The following FRAS1 variants were observed in gnomAD, a reference collection of about 807,000 sequenced individuals.
FRAS1 encodes the protein Fraser extracellular matrix complex subunit 1.
FRAS1 carries 290 observed loss-of-function variants against 435.2 expected under a neutral mutation model. That is an observed-to-expected ratio of 0.67 (90% confidence interval 0.61 to 0.73). FRAS1 has a LOEUF of 0.73. Ranked by LOEUF, FRAS1 falls within the 30% of genes least tolerant of loss-of-function variation. The pLI is 0.00. For synonymous variants in FRAS1, 1,800 were observed against 1,851.0 expected, an observed-to-expected ratio of 0.97 and a Z score of 0.71; for missense variants, 4,860 against 5,001.5, an observed-to-expected ratio of 0.97 and a Z score of 0.85.
intron 61 of FRAS1, 69 bp from the exon 62 acceptor site, chr4:78,507,352 A>G (rs1720874874): frequency 7.3e-7 from 1 of 1,374,138 alleles, no homozygotes; most frequent in South Asian, 1.4e-5. Context: ...CAGCAGTGCC[A>G]AGCTGCACTC....
intron 2 of FRAS1, among the ~76,000 whole-genome samples, chr4:78,191,116 T>C (rs1722513274): frequency 6.6e-6 from 1 of 152,192 alleles, no homozygotes; most frequent in South Asian, 2.1e-4. Context: ...TCTTGGACTT[T>C]TCAGCCTCCA....
chr4:78,513,350 T>C, intron 64 of FRAS1, 42 bp from the exon 65 acceptor site: 1 of 1,600,226 alleles, frequency 6.2e-7, no homozygotes, highest in Non-Finnish European at 8.6e-7. Context: ...TGACCATTTA[T>C]AGCAGTCAGC....
chr4:78,176,356 T>C (rs1721777456), intron 2 of FRAS1, among the ~76,000 whole-genome samples: 1 of 152,060 alleles, frequency 6.6e-6, no homozygotes, highest in East Asian at 1.9e-4. Context: ...GCCCCTCCCA[T>C]TGTGAGTATG....
chr4:78,366,764 C>A (rs1731289748), intron 22 of FRAS1, among the ~76,000 whole-genome samples: 2 of 152,128 alleles, frequency 1.3e-5, no homozygotes, highest in African/African-American at 4.8e-5. Flanking sequence ...AGAGAACTGC[C>A]CCTGCTACTC....
At chr4:78,163,856 T>C (rs1021654095) in intron 2 of FRAS1, among the ~76,000 whole-genome samples, 25 of 152,206 alleles carry the variant, frequency 1.6e-4, no homozygotes, top group African/African-American at 6.0e-4. Context: ...AAGGAGTTCT[T>C]ATTCATTTTT....
At chr4:78,494,895 G>C (rs1720469006) in intron 59 of FRAS1, among the ~76,000 whole-genome samples, 1 of 152,060 alleles carries the variant, frequency 6.6e-6, no homozygotes, top group African/African-American at 2.4e-5. Flanking sequence ...ATAAACTACA[G>C]GACCTGCATA....
At chr4:78,259,570 T>A (rs1477224002) in intron 6 of FRAS1, among the ~76,000 whole-genome samples, 4 of 151,700 alleles carry the variant, frequency 2.6e-5, no homozygotes, top group African/African-American at 4.8e-5. Flanking sequence ...TTTTTTCTTG[T>A]AAATTTGTTT....
chr4:78,535,899 C>T (rs1278706763), intron 71 of FRAS1, among the ~76,000 whole-genome samples: 1 of 152,202 alleles, frequency 6.6e-6, no homozygotes, highest in Non-Finnish European at 1.5e-5. Context: ...TCTACACACC[C>T]TCCACTCTTG....
At chr4:78,116,009 C>T (rs888625855) in intron 2 of FRAS1, among the ~76,000 whole-genome samples, 1 of 152,082 alleles carries the variant, frequency 6.6e-6, no homozygotes, top group Non-Finnish European at 1.5e-5. Context: ...TAATGTGTCC[C>T]AGAGATTCTG....
intron 2 of FRAS1, among the ~76,000 whole-genome samples, chr4:78,115,462 AC>A (rs1743087762): frequency 6.6e-6 from 1 of 151,966 alleles, no homozygotes; most frequent in South Asian, 2.1e-4. Context: ...CTTGTCCTGG[AC>A]TTTTTTTGGT....
chr4:78,420,914 ATATATATT>A (rs1249896187), intron 33 of FRAS1, among the ~76,000 whole-genome samples: 10 of 95,370 alleles, frequency 1.0e-4, no homozygotes, highest in African/African-American at 3.7e-4. Context: ...ATATATATAT[ATATATATT>A]TATATAAAGG....
chr4:78,439,775 C>T (rs986394714), intron 40 of FRAS1, among the ~76,000 whole-genome samples: 1 of 152,046 alleles, frequency 6.6e-6, no homozygotes, highest in Non-Finnish European at 1.5e-5. Context: ...AGACTATGGA[C>T]CTGTAGTCCC....
Position 78,430,375 on chromosome 4 carries a change from C to G in FRAS1, c.4927C>G (p.Leu1643Val). Residue 1643 changes from leucine (L) to valine (V), a missense_variant, in exon 37 of 74, where the codon CTT (leucine) becomes GTT (valine). Leu to Val is a conservative substitution (Grantham distance 32). Transcript: ENST00000512123. ...ELRRPPQHGV[L>V]LKHTAEFRRP... ...TCGGAGACCTCCACAGCATGGTGTGCTTCTTAAGCATACAGCTGAGTTCCG... is the reference window on the plus strand; with the variant it reads ...TCGGAGACCTCCACAGCATGGTGTGGTTCTTAAGCATACAGCTGAGTTCCG... 1 of 1,613,790 alleles carries G rather than the reference C, an allele frequency of 6.2e-7. No homozygotes were observed. The highest frequency in any genetic ancestry group is 8.5e-7 in the Non-Finnish European group (1 of 1,179,828).
intron 2 of FRAS1, among the ~76,000 whole-genome samples, chr4:78,156,271 G>C (rs1367282079): frequency 2.0e-5 from 3 of 151,714 alleles, no homozygotes; most frequent in African/African-American, 7.3e-5. Context: ...CATTTACAAA[G>C]CTTTAATGTC....
chr4:78,293,668 A>G lies in FRAS1; in HGVS notation c.1534+7129A>G, dbSNP rs946199486. Among the ~76,000 whole-genome samples, 3 of 152,202 alleles carry G rather than the reference A, an allele frequency of 2.0e-5. No homozygotes were observed. The East Asian group carries it at 5.8e-4, about 29-fold the overall frequency. ...GGGAAGACAATAGGATTGCCTTCCT[A>G]GAATGTAAGTTTTTTTGAGTAAACA... is the stretch of plus-strand genomic sequence containing the variant. On this transcript the variant is annotated intron_variant, in intron 14 of 73. Transcript: ENST00000512123.
chr4:78,534,138 C>T (rs867728146), intron 70 of FRAS1, among the ~76,000 whole-genome samples: 2 of 152,036 alleles, frequency 1.3e-5, no homozygotes, highest in Non-Finnish European at 2.9e-5. Flanking sequence ...GACTCCAAAG[C>T]GGGGAGCACT....
intron 60 of FRAS1, among the ~76,000 whole-genome samples, chr4:78,498,613 A>G (rs566037465): frequency 1.4e-4 from 22 of 152,210 alleles, no homozygotes; most frequent in Middle Eastern, 3.4e-3. Flanking sequence ...CTTATCTTCT[A>G]CAGTTAGGAA....
intron 2 of FRAS1, among the ~76,000 whole-genome samples, chr4:78,231,118 C>G (rs1404966957): frequency 1.3e-5 from 2 of 151,824 alleles, no homozygotes; most frequent in Non-Finnish European, 2.9e-5. Flanking sequence ...CCATGCCCAG[C>G]AATTTTTTTT....
At chr4:78,334,369 T>TTC (rs1730079845) in intron 19 of FRAS1, among the ~76,000 whole-genome samples, 2 of 97,244 alleles carry the variant, frequency 2.1e-5, no homozygotes, top group African/African-American at 8.0e-5. Context: ...TTTTCTTTTT[T>TTC]TTTTTTTTTT....
Sources: allele counts gnomAD v4.1 joint callset (sites outside exome capture counted in the v4.1 genomes callset), GRCh38; gene constraint gnomAD v4.1.1; transcripts MANE v1.5; gene names NCBI Gene and HGNC (gene_info 2026-07-23, HGNC 2026-07-21).